ANKRD30B: variants seen among roughly 807,000 people sequenced by gnomAD.
ANKRD30B encodes the protein ankyrin repeat domain 30B.
Under a neutral mutation model 202.2 loss-of-function variants are expected in ANKRD30B, and 144 were observed. The ratio of observed to expected loss-of-function variants is 0.71; its 90% CI spans 0.62 to 0.82. The LOEUF is 0.82. Among genes scored for constraint, ANKRD30B ranks in the 40% least tolerant of loss-of-function variants. The probability of loss-of-function intolerance (pLI) is 0.00; values close to 1 mark genes in which losing one functional copy is unlikely to be tolerated. For synonymous variants in ANKRD30B, 508 were observed against 561.3 expected, an observed-to-expected ratio of 0.91 and a Z score of 1.34; for missense variants, 1,487 against 1,669.1, an observed-to-expected ratio of 0.89 and a Z score of 1.90.
At chr18:14,922,000 C>G in the ANKRD30B span, among the ~76,000 whole-genome samples, 2 of 152,166 alleles carry the variant, frequency 1.3e-5, no homozygotes, top group Non-Finnish European at 2.9e-5. Context: ...TCATTAGAAC[C>G]AAGAATCAGG....
chr18:14,797,412 A>T (rs1004011789), intron 18 of ANKRD30B, among the ~76,000 whole-genome samples: 34 of 152,228 alleles, frequency 2.2e-4, no homozygotes, highest in African/African-American at 7.7e-4. Flanking sequence ...TCTTTACACA[A>T]TCCTGCATGC....
At chr18:14,817,763 G>T (rs1015567412) in intron 30 of ANKRD30B, among the ~76,000 whole-genome samples, 1 of 152,132 alleles carries the variant, frequency 6.6e-6, no homozygotes, top group African/African-American at 2.4e-5. Context: ...GGTTTCTTCA[G>T]TGCTTCAGAA....
chr18:14,784,490 C>T lies in ANKRD30B; in HGVS notation c.1627C>T (p.Pro543Ser), dbSNP rs182059135. Residue 543 changes from proline to serine, a missense_variant, in exon 14 of 44, where the codon CCA (proline) becomes TCA (serine). Physicochemically the swap from Pro to Ser is moderately conservative, Grantham distance 74. Transcript: ENST00000690538. ...KPAVEMQKTV[P>S]NKAFELKNEQ... ...TGCCGTTGAAATGCAAAAGACTGTT[C>T]CAAATAAAGCCTTTGAATTGAAGAA... 29 of 1,613,054 alleles carry T rather than the reference C, an allele frequency of 1.8e-5. No homozygotes were observed. In the East Asian group the frequency reaches 5.6e-4, roughly 31 times the overall value.
At chr18:14,834,278 G>T (rs1971080891) in intron 34 of ANKRD30B, among the ~76,000 whole-genome samples, 1 of 151,862 alleles carries the variant, frequency 6.6e-6, no homozygotes, top group Non-Finnish European at 1.5e-5. Context: ...TATAAACTGT[G>T]TAAGAATAAA....
At chr18:14,808,118 A>G (rs1254603654) in intron 24 of ANKRD30B, among the ~76,000 whole-genome samples, 1 of 150,840 alleles carries the variant, frequency 6.6e-6, no homozygotes, top group East Asian at 1.9e-4. Flanking sequence ...CTTGCAGTAT[A>G]TTGACATAAG....
Position 14,784,505 on chromosome 18 carries a change from GA to G in ANKRD30B, c.1644del (p.Glu548AspfsTer2). 6.2e-7 allele frequency: 1 copy of G among 1,612,950 alleles called. No homozygotes were observed. The highest frequency in any genetic ancestry group is 8.5e-7 in the Non-Finnish European group (1 of 1,179,268). Reference sequence around the variant, plus strand: ...AAAGACTGTTCCAAATAAAGCCTTTGAATTGAAGAATGAACAAACATTGAGA... The same window carrying G: ...AAAGACTGTTCCAAATAAAGCCTTTGATTGAAGAATGAACAAACATTGAGA... ...MQKTVPNKAF[E>X]LKNEQTLRAA... On this transcript the variant is annotated frameshift_variant, in exon 14 of 44. Coordinates refer to ENST00000690538, the MANE Select transcript of ANKRD30B (RefSeq NM_001367607.2). LOFTEE classifies it high-confidence loss of function.
At position 14,803,753 on chromosome 18, in the gene ANKRD30B, T is replaced by A. The variant is rs1428282729; in HGVS notation, c.2213T>A (p.Leu738Ter). The part of the protein sequence containing the change: ...WDFESFLETL[L>*]QNDVCLPKAT... ...TAACAGAGTTTCCTTGAGACTCTCT[T>A]ACAGAATGATGTGTGTTTACCCAAG... The change falls in exon 24 of 44, where the codon TTA becomes TAA. Residue 738 changes from leucine to a stop codon, truncating the protein, a stop_gained. Transcript: ENST00000690538. LOFTEE classifies it high-confidence loss of function. 6.2e-7 allele frequency: 1 copy of A among 1,605,550 alleles called. No individual in the cohort carries two copies. The highest frequency in any genetic ancestry group is 1.4e-5 in the African/African-American group (1 of 73,520).
At chr18:14,897,461 A>G in the ANKRD30B span, among the ~76,000 whole-genome samples, 3 of 152,154 alleles carry the variant, frequency 2.0e-5, no homozygotes, top group Non-Finnish European at 2.9e-5. Context: ...GATTACAGGT[A>G]TGAGCCACCA....
the ANKRD30B span, among the ~76,000 whole-genome samples, chr18:14,870,101 G>T: frequency 6.6e-6 from 1 of 152,202 alleles, no homozygotes; most frequent in Non-Finnish European, 1.5e-5. Flanking sequence ...CTCCCAAAGT[G>T]TTGGGATTAC....
chr18:14,757,769 A>G, intron 4 of ANKRD30B, 46 bp from the exon 5 acceptor site: 1 of 1,591,516 alleles, frequency 6.3e-7, no homozygotes. Flanking sequence ...ATAGGCACAT[A>G]TTAAATTGAT....
chr18:14,752,836 C>G lies in ANKRD30B; in HGVS notation c.337-3C>G. 1 of 1,606,290 alleles carries G rather than the reference C, an allele frequency of 6.2e-7. No individual in the cohort carries two copies. Among genetic ancestry groups the G allele is most frequent in the Non-Finnish European group, 8.5e-7 (1 of 1,175,946 alleles). ...AATGTACTTCTTGCTTTAATACTGA[C>G]AGGCTCTACAATGCGAGAGGGAGGC... On this transcript the variant is annotated splice_region_variant and splice_polypyrimidine_tract_variant and intron_variant, in intron 2 of 43. Transcript: ENST00000690538.
the ANKRD30B span, among the ~76,000 whole-genome samples, chr18:14,874,470 T>C: frequency 3.9e-5 from 6 of 152,332 alleles, no homozygotes; most frequent in African/African-American, 1.2e-4. Context: ...TTAAGTGTAA[T>C]ACAATTTGTA....
At chr18:14,897,997 C>T in the ANKRD30B span, among the ~76,000 whole-genome samples, 1 of 152,148 alleles carries the variant, frequency 6.6e-6, no homozygotes, top group Non-Finnish European at 1.5e-5. Context: ...CACACTTCTT[C>T]TTCTATTCCT....
chr18:14,910,544 T>C, the ANKRD30B span, among the ~76,000 whole-genome samples: 18 of 151,502 alleles, frequency 1.2e-4, no homozygotes, highest in East Asian at 3.5e-3. Flanking sequence ...ACATGTAGGT[T>C]GATTCCACAT....
chr18:14,836,309 A>G (rs1287474738), intron 34 of ANKRD30B, among the ~76,000 whole-genome samples: 3 of 152,056 alleles, frequency 2.0e-5, no homozygotes, highest in African/African-American at 4.8e-5. Context: ...CTACTCTGTC[A>G]TCTGGTTTCC....
chr18:14,777,507 A>G (rs1598603940), intron 9 of ANKRD30B, among the ~76,000 whole-genome samples: 1 of 151,902 alleles, frequency 6.6e-6, no homozygotes, highest in East Asian at 2.0e-4. Context: ...CAAGTTGGCC[A>G]GGGTAGTCTC....
downstream of ANKRD30B, among the ~76,000 whole-genome samples, chr18:14,854,831 GAACACA>G (rs779701211): frequency 2.7e-5 from 2 of 74,982 alleles, no homozygotes; most frequent in African/African-American, 1.1e-4. Flanking sequence ...AACTATCCAC[GAACACA>G]CACACACACA....
chr18:14,798,996 A>G (rs536741906), intron 20 of ANKRD30B, 105 bp from the exon 21 acceptor site: 18 of 1,199,000 alleles, frequency 1.5e-5, no homozygotes, highest in Admixed American at 8.5e-5. Flanking sequence ...TCCCTTTTCA[A>G]TCCAAGCATC....
intron 4 of ANKRD30B, among the ~76,000 whole-genome samples, chr18:14,756,101 T>C (rs1049762734): frequency 6.6e-6 from 1 of 152,186 alleles, no homozygotes; most frequent in Admixed American, 6.5e-5. Flanking sequence ...CCATTCTAAC[T>C]AGTGTGAGAT....
Sources: allele counts gnomAD v4.1 joint callset (sites outside exome capture counted in the v4.1 genomes callset), GRCh38; gene constraint gnomAD v4.1.1; transcripts MANE v1.5; gene names NCBI Gene and HGNC (gene_info 2026-07-23, HGNC 2026-07-21).